The following TAB2 variants were observed in gnomAD, a reference collection of about 807,000 sequenced individuals.
TAB2 encodes TGF-beta-activated kinase 1 and MAP3K7-binding protein 2.
A neutral mutation model predicts 65.0 loss-of-function variants in TAB2; 3 were observed. That is an observed-to-expected ratio of 0.05 (90% CI 0.02 to 0.12). The LOEUF is 0.12. Among genes scored for constraint, TAB2 ranks in the 10% least tolerant of loss-of-function variants. The pLI is 1.00. For missense variants in TAB2, 623 were observed against 840.3 expected (o/e 0.74, Z 3.20); for synonymous variants, 298 against 285.1 (o/e 1.05, Z -0.46).
chr6:149,235,883 G>A (rs1366935127), intron 1 of TAB2, among the ~76,000 whole-genome samples: 1 of 152,124 alleles, frequency 6.6e-6, no homozygotes, highest in Admixed American at 6.5e-5. Flanking sequence ...CACAGGGGGA[G>A]GACACCTAGA....
chr6:149,355,390 G>C (rs962294864), intron 1 of TAB2, among the ~76,000 whole-genome samples: 3 of 152,060 alleles, frequency 2.0e-5, no homozygotes, highest in African/African-American at 7.3e-5. Context: ...CTTAGGGCAG[G>C]TGTGGTGGCT....
At chr6:149,277,289 T>A (rs1324482192) in intron 1 of TAB2, among the ~76,000 whole-genome samples, 1 of 152,150 alleles carries the variant, frequency 6.6e-6, no homozygotes. Flanking sequence ...TGTCTATAAA[T>A]GAAAAGTCTG....
At chr6:149,302,451 G>A (rs1778986648) in intron 1 of TAB2, among the ~76,000 whole-genome samples, 1 of 152,100 alleles carries the variant, frequency 6.6e-6, no homozygotes, top group Non-Finnish European at 1.5e-5. Flanking sequence ...TAGTTAATTG[G>A]TAGTGCACTT....
chr6:149,361,270 T>TA (rs1486436615), intron 1 of TAB2, among the ~76,000 whole-genome samples: 3 of 152,226 alleles, frequency 2.0e-5, no homozygotes, highest in Admixed American at 6.5e-5. Context: ...GACTTTCTCA[T>TA]ACATCCTCTG....
At chr6:149,220,003 T>A (rs78375942) in intron 1 of TAB2, among the ~76,000 whole-genome samples, 3,151 of 152,326 alleles carry the variant, frequency 0.021, 111 homozygotes, top group African/African-American at 0.066. Context: ...ATTTATTTTT[T>A]AAAAATAATA....
chr6:149,314,928 C>T (rs1435742454), upstream of TAB2, among the ~76,000 whole-genome samples: 8 of 146,860 alleles, frequency 5.4e-5, no homozygotes, highest in African/African-American at 2.0e-4. Flanking sequence ...TTGTTTTTTC[C>T]TTTTTATTTT....
intron 1 of TAB2, among the ~76,000 whole-genome samples, chr6:149,232,354 A>G (rs1349427472): frequency 6.6e-6 from 1 of 152,084 alleles, no homozygotes; most frequent in Non-Finnish European, 1.5e-5. Flanking sequence ...CAGCCCCCCA[A>G]GTAGCTGGGA....
chr6:149,324,111 T>C (rs1779530503), intron 1 of TAB2, among the ~76,000 whole-genome samples: 1 of 152,048 alleles, frequency 6.6e-6, no homozygotes, highest in African/African-American at 2.4e-5. Context: ...CTTGTTTCAC[T>C]TAAGAAGAAA....
intron 1 of TAB2, among the ~76,000 whole-genome samples, chr6:149,339,256 G>T (rs1780026996): frequency 6.6e-6 from 1 of 152,050 alleles, no homozygotes. Context: ...CCAGCTACTT[G>T]GGAGGCTGAG....
At chr6:149,245,707 C>T (rs1412460701) in intron 1 of TAB2, among the ~76,000 whole-genome samples, 2 of 152,106 alleles carry the variant, frequency 1.3e-5, no homozygotes, top group Non-Finnish European at 2.9e-5. Context: ...CTCTTTATTC[C>T]ATGGCTTGCT....
chr6:149,305,377 G>A (rs1217088516), intron 1 of TAB2, among the ~76,000 whole-genome samples: 7 of 152,226 alleles, frequency 4.6e-5, no homozygotes, highest in Admixed American at 1.3e-4. Context: ...GCTTAAAATC[G>A]AAATCCTGCA....
intron 3 of TAB2, among the ~76,000 whole-genome samples, chr6:149,390,341 A>G (rs1414749450): frequency 6.6e-6 from 1 of 152,220 alleles, no homozygotes; most frequent in African/African-American, 2.4e-5. Context: ...AGGTTTTTCA[A>G]TAGCAAAATT....
In TAB2 at chr6:149,328,315, A is replaced by T. The variant is rs146719044; in HGVS notation, c.-90+10300A>T. ...CTACATTCTGTTTGTTTTGTTTGAGAGGGAGTCTGCTCTGTCCCTCAGGCT... is the reference window on the plus strand; with the variant it reads ...CTACATTCTGTTTGTTTTGTTTGAGTGGGAGTCTGCTCTGTCCCTCAGGCT... On this transcript the variant is annotated intron_variant, in intron 1 of 6. Transcript: ENST00000637181. Among the ~76,000 whole-genome samples the T allele has an allele frequency of 5.0e-3, 764 of 152,210 alleles. 8 individuals carry two copies. The highest frequency in any genetic ancestry group is 0.018 in the African/African-American group (739 of 41,518).
chr6:149,319,623 GT>G (rs1378191420), intron 1 of TAB2, among the ~76,000 whole-genome samples: 1 of 152,202 alleles, frequency 6.6e-6, no homozygotes, highest in Admixed American at 6.5e-5. Context: ...CAGAACTTCT[GT>G]TTGGGTTTTT....
chr6:149,274,579 T>C (rs1778420115), intron 1 of TAB2, among the ~76,000 whole-genome samples: 1 of 152,200 alleles, frequency 6.6e-6, no homozygotes, highest in African/African-American at 2.4e-5. Flanking sequence ...ATAATTCCCT[T>C]TCTTTTGAAA....
At chr6:149,319,642 A>G (rs1362203158) in intron 1 of TAB2, among the ~76,000 whole-genome samples, 1 of 152,232 alleles carries the variant, frequency 6.6e-6, no homozygotes, top group African/African-American at 2.4e-5. Context: ...TTTCCCCCAT[A>G]GGTCTAATCA....
At chr6:149,218,121 A>G (rs952170733), upstream of TAB2, 5 of 152,196 alleles carry the variant, frequency 3.3e-5, no homozygotes, top group Admixed American at 3.3e-4. Flanking sequence ...GGCTTTCTGC[A>G]CTCAGTGATG....
At chr6:149,314,865 C>CT (rs57785399), upstream of TAB2, among the ~76,000 whole-genome samples, 54,055 of 143,318 alleles carry the variant, frequency 0.38, 11,436 homozygotes, top group Middle Eastern at 0.53. Context: ...GGAACTATAT[C>CT]TTTTTTTTTT....
At chr6:149,228,132 C>A (rs1369407096) in intron 1 of TAB2, among the ~76,000 whole-genome samples, 1 of 151,982 alleles carries the variant, frequency 6.6e-6, no homozygotes, top group Non-Finnish European at 1.5e-5. Context: ...AAAAACAGAA[C>A]CTGCCCCAAA....
Sources: gnomAD v4.1 joint callset for allele counts (sites outside exome capture counted in the v4.1 genomes callset) on GRCh38, gnomAD v4.1.1 for gene constraint, MANE v1.5 for transcripts, NCBI Gene and HGNC (gene_info 2026-07-23, HGNC 2026-07-21) for gene names.